CLEC17A: variants seen among roughly 807,000 people sequenced by gnomAD.
CLEC17A encodes the protein C-type lectin domain family 17, member A.
A neutral mutation model predicts 61.3 loss-of-function variants in CLEC17A; 37 were observed. The observed-to-expected ratio is 0.60, with a 90% confidence interval of 0.46 to 0.79. CLEC17A has a LOEUF of 0.79. Ranked by LOEUF, CLEC17A falls within the 30% of genes least tolerant of loss-of-function variation. The pLI is 0.00. For synonymous variants in CLEC17A, 168 were observed against 164.9 expected (o/e 1.02, Z -0.14); for missense variants, 418 against 464.7 (o/e 0.90, Z 0.92).
chr19:14,590,477 C>G (rs1407247455), intron 3 of CLEC17A, among the ~76,000 whole-genome samples: 1 of 151,850 alleles, frequency 6.6e-6, no homozygotes, highest in Non-Finnish European at 1.5e-5. Flanking sequence ...CAACCTCTGC[C>G]TCCCGGGTTC....
intron 2 of CLEC17A, among the ~76,000 whole-genome samples, chr19:14,586,680 G>C (rs1489154011): frequency 1.2e-4 from 18 of 152,066 alleles, no homozygotes; most frequent in Non-Finnish European, 2.2e-4. Flanking sequence ...TCCTGCCTTG[G>C]CCTCCCAAAG....
At chr19:14,605,055 G>A (rs113705155) in intron 12 of CLEC17A, among the ~76,000 whole-genome samples, 1,986 of 152,074 alleles carry the variant, frequency 0.013, 51 homozygotes, top group African/African-American at 0.045. Context: ...AAAATGGGCT[G>A]GGCATGGTGG....
At chr19:14,583,224 G>C (rs2074206101) in intron 1 of CLEC17A, 21 bp downstream of exon 1, 1 of 1,613,672 alleles carries the variant, frequency 6.2e-7, no homozygotes, top group African/African-American at 1.3e-5. Context: ...GGCCAGGCTG[G>C]GGCTGGGGCC....
Position 14,611,444 on chromosome 19 carries a change from C to T in CLEC17A, c.*1248C>T, listed in dbSNP as rs536318020. 7.5e-6 allele frequency among the ~76,000 whole-genome samples: 1 copy of T among 133,196 alleles called. No homozygotes were observed. The highest frequency in any genetic ancestry group is 2.8e-5 in the African/African-American group (1 of 35,480). 87.4% of individuals were successfully genotyped at this position (133,196 alleles called of 152,430 possible). A position where few individuals can be genotyped will look rare whatever the true frequency, so the allele number is the denominator to read the frequency against. On this transcript the variant is annotated 3_prime_UTR_variant, in exon 14 of 14. Coordinates refer to ENST00000417570, the MANE Select transcript of CLEC17A (RefSeq NM_001204118.2). ...CCAGGCTGGAGTGCAGTGGCACAAT[C>T]ATAGCTTACTGCACCCTCTGCCTCC... is the stretch of plus-strand genomic sequence containing the variant.
At chr19:14,604,894 A>C (rs983688534) in intron 12 of CLEC17A, among the ~76,000 whole-genome samples, 8 of 152,194 alleles carry the variant, frequency 5.3e-5, no homozygotes, top group African/African-American at 1.9e-4. Flanking sequence ...TTATAGTAAA[A>C]AATTCTTAAA....
chr19:14,587,777 G>T, intron 3 of CLEC17A, 86 bp downstream of exon 3: 1 of 1,580,144 alleles, frequency 6.3e-7, no homozygotes, highest in Non-Finnish European at 8.6e-7. Flanking sequence ...TAGACACACA[G>T]TCAGTCTCCT....
intron 12 of CLEC17A, among the ~76,000 whole-genome samples, chr19:14,606,768 G>A (rs546967484): frequency 7.2e-5 from 11 of 152,086 alleles, no homozygotes; most frequent in Middle Eastern, 3.4e-3. Flanking sequence ...ACTGAGGCAC[G>A]GAGCAGTTCG....
intron 2 of CLEC17A, among the ~76,000 whole-genome samples, chr19:14,584,953 C>T (rs2074252117): frequency 6.6e-6 from 1 of 152,118 alleles, no homozygotes; most frequent in Non-Finnish European, 1.5e-5. Context: ...CTGTCCCCAA[C>T]CCATTTTCCA....
At position 14,611,107 on chromosome 19, in the gene CLEC17A, G is replaced by T. The variant is rs1171704938; in HGVS notation, c.*911G>T. ...GCACAGAAATACATTAAGTGGGCTG[G>T]TCTCATGTAGTCCCCACATCATTGC... is the stretch of plus-strand genomic sequence containing the variant. On this transcript the variant is annotated 3_prime_UTR_variant, in exon 14 of 14. Transcript: ENST00000417570. 1 of 151,490 alleles carries T rather than the reference G, an allele frequency of 6.6e-6. No individual in the cohort carries two copies. The highest frequency in any genetic ancestry group is 2.4e-5 in the African/African-American group (1 of 41,146). 9.4% of individuals were successfully genotyped at this position (151,490 alleles called of 1,614,324 possible).
At chr19:14,596,809 T>G in intron 8 of CLEC17A, 67 bp from the exon 9 acceptor site, 1 of 1,549,630 alleles carries the variant, frequency 6.5e-7, no homozygotes, top group Non-Finnish European at 8.7e-7. Context: ...GACAAAGACT[T>G]AAGAGTCTCT....
chr19:14,600,320 T>G, intron 12 of CLEC17A, 138 bp downstream of exon 12: 19 of 1,028,978 alleles, frequency 1.8e-5, no homozygotes, highest in Non-Finnish European at 2.5e-5. Flanking sequence ...CAGCAAGCTC[T>G]TCCTAAGGTA....
At chr19:14,596,093 A>G (rs1214922408) in intron 8 of CLEC17A, among the ~76,000 whole-genome samples, 1 of 106,664 alleles carries the variant, frequency 9.4e-6, no homozygotes, top group African/African-American at 3.5e-5. Context: ...CCAGAAACTC[A>G]GGTATCTGCT....
chr19:14,595,443 C>A, intron 8 of CLEC17A, 128 bp downstream of exon 8: 1 of 1,009,696 alleles, frequency 9.9e-7, no homozygotes, highest in Non-Finnish European at 1.5e-6. Flanking sequence ...ACCTGCTGCA[C>A]TGTTCTGAGT....
At chr19:14,583,274 G>C in intron 1 of CLEC17A, 71 bp downstream of exon 1, 2 of 1,613,108 alleles carry the variant, frequency 1.2e-6, no homozygotes, top group Non-Finnish European at 1.7e-6. Flanking sequence ...TCCCCACCAT[G>C]GGGCAGCTGA....
At chr19:14,595,377 C>T (rs1384758952) in intron 8 of CLEC17A, 62 bp downstream of exon 8, 1 of 1,567,958 alleles carries the variant, frequency 6.4e-7, no homozygotes, top group African/African-American at 1.4e-5. Context: ...ACCTATGGCT[C>T]TACAGTGAGA....
At chr19:14,605,477 A>C (rs770013167) in intron 12 of CLEC17A, among the ~76,000 whole-genome samples, 1 of 152,314 alleles carries the variant, frequency 6.6e-6, no homozygotes, top group African/African-American at 2.4e-5. Flanking sequence ...AAATGCACAG[A>C]TCTTTGATGT....
intron 4 of CLEC17A, 113 bp from the exon 5 acceptor site, chr19:14,594,404 G>A (rs367981721): frequency 2.3e-5 from 32 of 1,388,130 alleles, no homozygotes; most frequent in African/African-American, 1.0e-4. Context: ...GTCCAACCCC[G>A]TCTGTAACCT....
rs1427552541 is a variant in CLEC17A, at chr19:14,597,116, G to T, written c.601G>T (p.Glu201Ter). Residue 201 changes from glutamate to a stop codon, truncating the protein, a stop_gained, in exon 10 of 14, where the codon GAA (glutamate) becomes TAA (stop). Coordinates refer to ENST00000417570, the MANE Select transcript of CLEC17A (RefSeq NM_001204118.2). LOFTEE classifies it high-confidence loss of function. ...TLIKYQELME[E>*]LRMLSFQQMT... ...CTTCATAGACCAGGAGTTGATGGAA[G>T]AACTGAGAATGTTAAGCTTTCAGCA... The T allele has an allele frequency of 1.9e-6, 3 of 1,613,228 alleles. No individual in the cohort carries two copies. The highest frequency in any genetic ancestry group is 2.5e-6 in the Non-Finnish European group (3 of 1,179,614).
chr19:14,599,631 T>G (rs574674691), intron 10 of CLEC17A, 86 bp from the exon 11 acceptor site: 1 of 944,128 alleles, frequency 1.1e-6, no homozygotes, highest in African/African-American at 1.6e-5. Context: ...CAACCCTTGC[T>G]TCTCTCTCTG....
Sources: allele counts gnomAD v4.1 joint callset (sites outside exome capture counted in the v4.1 genomes callset), GRCh38; gene constraint gnomAD v4.1.1; transcripts MANE v1.5; gene names NCBI Gene and HGNC (gene_info 2026-07-23, HGNC 2026-07-21).